The following BCAS3 variants were observed in gnomAD, a reference collection of about 807,000 sequenced individuals.
BCAS3 encodes the protein BCAS4/BCAS3 fusion.
Under a neutral mutation model 116.1 loss-of-function variants are expected in BCAS3, and 53 were observed. The observed-to-expected ratio is 0.46, with a 90% confidence interval of 0.37 to 0.57. BCAS3 has a LOEUF of 0.57. Among genes scored for constraint, BCAS3 ranks in the 20% least tolerant of loss-of-function variants. The pLI, the probability that BCAS3 is intolerant of heterozygous loss-of-function variation, is 0.00. For missense variants in BCAS3, 917 were observed against 1,165.4 expected (o/e 0.79, Z 3.10); for synonymous variants, 391 against 408.2 (o/e 0.96, Z 0.51).
chr17:61,081,737 C>T (rs1000038305), intron 21 of BCAS3, among the ~76,000 whole-genome samples: 16 of 152,262 alleles, frequency 1.1e-4, no homozygotes, highest in African/African-American at 2.6e-4. Context: ...ATTTCCCACC[C>T]GGCATCCAAT....
chr17:61,067,898 A>G (rs2070894313), intron 19 of BCAS3, among the ~76,000 whole-genome samples: 1 of 152,094 alleles, frequency 6.6e-6, no homozygotes, highest in African/African-American at 2.4e-5. Flanking sequence ...GTTACCTCAT[A>G]ATGATCTACT....
chr17:60,755,263 C>CAA (rs955405220), intron 6 of BCAS3, among the ~76,000 whole-genome samples: 10 of 152,114 alleles, frequency 6.6e-5, no homozygotes, highest in Non-Finnish European at 1.5e-5. Context: ...GTACTGAACA[C>CAA]AAAAGAGAGG....
At chr17:60,984,817 C>G (rs905817912) in intron 14 of BCAS3, among the ~76,000 whole-genome samples, 3 of 151,828 alleles carry the variant, frequency 2.0e-5, no homozygotes, top group African/African-American at 7.3e-5. Flanking sequence ...TGAGACCAGC[C>G]TGGCCAAGAT....
chr17:60,751,607 A>G (rs550497297), intron 6 of BCAS3, among the ~76,000 whole-genome samples: 4 of 150,990 alleles, frequency 2.6e-5, no homozygotes, highest in East Asian at 3.9e-4. Context: ...CAATGGTGCA[A>G]TCTAGGCTCA....
chr17:60,756,946 C>T (rs898807696), intron 6 of BCAS3, among the ~76,000 whole-genome samples: 13 of 152,172 alleles, frequency 8.5e-5, no homozygotes, highest in African/African-American at 2.7e-4. Context: ...CAGCGGATCA[C>T]GAGGTCAAGA....
intron 22 of BCAS3, among the ~76,000 whole-genome samples, chr17:61,091,860 C>G (rs892761598): frequency 2.0e-5 from 3 of 152,178 alleles, no homozygotes; most frequent in Non-Finnish European, 2.9e-5. Flanking sequence ...CCTGTGTTTT[C>G]AAGCACCTCT....
chr17:61,386,353 C>T (rs758195061), intron 23 of BCAS3, among the ~76,000 whole-genome samples: 12 of 152,206 alleles, frequency 7.9e-5, no homozygotes, highest in Admixed American at 2.6e-4. Context: ...TCCTCATCCT[C>T]CTGCTCACTG....
At chr17:61,272,849 C>G (rs2050427092) in intron 22 of BCAS3, among the ~76,000 whole-genome samples, 1 of 151,860 alleles carries the variant, frequency 6.6e-6, no homozygotes, top group Admixed American at 6.6e-5. Context: ...ACCTTCATAC[C>G]TGAAACAGCA....
At chr17:61,025,141 C>T (rs137863316) in intron 16 of BCAS3, among the ~76,000 whole-genome samples, 2 of 152,128 alleles carry the variant, frequency 1.3e-5, no homozygotes, top group East Asian at 3.9e-4. Context: ...AGAACGGGCT[C>T]ACTATTCAGT....
chr17:60,889,406 A>G (rs1216144177), intron 9 of BCAS3, among the ~76,000 whole-genome samples: 1 of 152,092 alleles, frequency 6.6e-6, no homozygotes, highest in Non-Finnish European at 1.5e-5. Flanking sequence ...CTTCATTCTC[A>G]TGTTTAGGAA....
At chr17:61,312,598 C>G (rs1239592307) in intron 22 of BCAS3, among the ~76,000 whole-genome samples, 1 of 152,188 alleles carries the variant, frequency 6.6e-6, no homozygotes, top group Non-Finnish European at 1.5e-5. Flanking sequence ...GAAAATCCCA[C>G]TCACCATTTT....
At chr17:61,383,255 G>A (rs1345499660) in intron 23 of BCAS3, 4 of 152,296 alleles carry the variant, frequency 2.6e-5, no homozygotes, top group African/African-American at 9.6e-5. Context: ...GTACAGGGAG[G>A]TCCTTGTCCC....
At chr17:60,912,712 T>A (rs2058579458) in intron 12 of BCAS3, among the ~76,000 whole-genome samples, 1 of 152,150 alleles carries the variant, frequency 6.6e-6, no homozygotes, top group Non-Finnish European at 1.5e-5. Context: ...TGAAATGAAA[T>A]GTATAAACTT....
At chr17:60,777,579 T>A (rs2045427862) in intron 6 of BCAS3, among the ~76,000 whole-genome samples, 1 of 151,916 alleles carries the variant, frequency 6.6e-6, no homozygotes, top group African/African-American at 2.4e-5. Flanking sequence ...TGAGCTGAGA[T>A]CATGCCAGTG....
Position 61,373,729 on chromosome 17 carries a change from G to GCGCC in BCAS3, c.2593+5236_2593+5237insGCCC, listed in dbSNP as rs1555859904. On this transcript the variant is annotated intron_variant, in intron 23 of 23. Transcript: ENST00000407086. The stretch of plus-strand genomic sequence containing the variant: ...TTACAGGCATGAACCACGATGCCCA[G>GCGCC]CCCCTGTTTAAAGTATTCTTGATGC... 1.3e-3 allele frequency among the ~76,000 whole-genome samples: 183 copies of GCGCC among 142,096 alleles called. 2 individuals carry two copies. Among genetic ancestry groups the GCGCC allele is most frequent in the South Asian group, 0.01 (43 of 4,288 alleles). 93.2% of individuals were successfully genotyped at this position (142,096 alleles called of 152,430 possible).
Position 60,966,998 on chromosome 17 carries a change from A to G in BCAS3, c.1221+19646A>G, listed in dbSNP as rs200563546. On this transcript the variant is annotated intron_variant, in intron 14 of 23. Transcript: ENST00000407086. ...TCAGTTTATATTTTTTGTATTACCT[A>G]TGTTTTAACAGGTTGCTAATAGCGA... Among the ~76,000 whole-genome samples the G allele has an allele frequency of 1.6e-4, 24 of 152,214 alleles. No homozygotes were observed. The East Asian group carries it at 4.4e-3, about 28-fold the overall frequency.
intron 19 of BCAS3, among the ~76,000 whole-genome samples, chr17:61,054,777 A>G (rs977845134): frequency 2.6e-5 from 4 of 152,246 alleles, no homozygotes; most frequent in African/African-American, 9.6e-5. Context: ...TCTATGTGAT[A>G]GTAGTATCTC....
At position 61,392,178 on chromosome 17, in the gene BCAS3, G is replaced by GGC; in HGVS notation, c.*53_*54insGC. ...AGCCCCCTCCCCTGCTGGAGGAGGG[G>GGC]AGAAGCCCCGCTCTGGTCCTACCCT... On this transcript the variant is annotated 3_prime_UTR_variant, in exon 24 of 24. Transcript: ENST00000407086. The surrounding 1 kb of genome is among the most constrained non-coding windows in gnomAD (Gnocchi z 6.4). The GGC allele has an allele frequency of 6.3e-7, 1 of 1,583,130 alleles. No homozygotes were observed. Among genetic ancestry groups the GGC allele is most frequent in the Non-Finnish European group, 8.6e-7 (1 of 1,160,306 alleles).
At chr17:60,814,304 T>TGCGCGCGCGC (rs59755143) in intron 7 of BCAS3, among the ~76,000 whole-genome samples, 7,100 of 136,722 alleles carry the variant, frequency 0.052, 257 homozygotes, top group African/African-American at 0.11. Context: ...TGTGTGTGTG[T>TGCGCGCGCGC]GTGCGCGCGT....
Sources: gnomAD v4.1 joint callset for allele counts (sites outside exome capture counted in the v4.1 genomes callset) on GRCh38, gnomAD v4.1.1 for gene constraint, Gnocchi (gnomAD v3.1) non-coding constraint, MANE v1.5 for transcripts, NCBI Gene and HGNC (gene_info 2026-07-23, HGNC 2026-07-21) for gene names.